ATOSA: variants seen among roughly 807,000 people sequenced by gnomAD.
The protein encoded by ATOSA is atos homolog A, also known as atos homolog protein A.
chr15:52,674,956 TATTTC>T, the ATOSA span, among the ~76,000 whole-genome samples: 1 of 152,018 alleles, frequency 6.6e-6, no homozygotes, highest in East Asian at 1.9e-4. Context: ...AGCACGGTCA[TATTTC>T]ATTCTAACTG....
the ATOSA span, among the ~76,000 whole-genome samples, chr15:52,691,763 G>A: frequency 2.0e-5 from 3 of 151,966 alleles, no homozygotes. Flanking sequence ...TGAGCCCGGG[G>A]GGTCAAGGCT....
chr15:52,694,992 C>A, the ATOSA span, among the ~76,000 whole-genome samples: 5 of 150,532 alleles, frequency 3.3e-5, no homozygotes, highest in Admixed American at 6.6e-5. Flanking sequence ...TGGTGTGATC[C>A]CGGCTCACTG....
the ATOSA span, among the ~76,000 whole-genome samples, chr15:52,698,426 T>C: frequency 6.6e-6 from 1 of 152,246 alleles, no homozygotes; most frequent in Non-Finnish European, 1.5e-5. Context: ...AAATTAGTGC[T>C]ATGTTCTCTC....
chr15:52,667,648 G>A, the ATOSA span, among the ~76,000 whole-genome samples: 1 of 152,198 alleles, frequency 6.6e-6, no homozygotes, highest in Non-Finnish European at 1.5e-5. Flanking sequence ...CTGATTTCAA[G>A]TAACCAACTA....
the ATOSA span, among the ~76,000 whole-genome samples, chr15:52,670,197 T>C: frequency 6.6e-6 from 1 of 152,224 alleles, no homozygotes; most frequent in Non-Finnish European, 1.5e-5. Flanking sequence ...TCTTTCATGC[T>C]TGTTCCAACC....
chr15:52,623,431 C>T, the ATOSA span, among the ~76,000 whole-genome samples: 5 of 151,774 alleles, frequency 3.3e-5, no homozygotes, highest in East Asian at 1.9e-4. Context: ...GGGGATCGCA[C>T]GCATTTGGAT....
chr15:52,581,323 A>G, the ATOSA span: 1 of 152,132 alleles, frequency 6.6e-6, no homozygotes, highest in East Asian at 1.9e-4. Context: ...CACGTTTCTT[A>G]GTTTTTTTTG....
At chr15:52,589,725 A>G in the ATOSA span, among the ~76,000 whole-genome samples, 2 of 152,150 alleles carry the variant, frequency 1.3e-5, no homozygotes, top group Admixed American at 6.5e-5. Context: ...TGATCAGCAT[A>G]TTAATATTTA....
chr15:52,614,403 G>A, the ATOSA span, among the ~76,000 whole-genome samples: 1 of 151,918 alleles, frequency 6.6e-6, no homozygotes, highest in Non-Finnish European at 1.5e-5. Context: ...ACTGAGCCTG[G>A]CCTATAATTA....
chr15:52,612,241 T>G, the ATOSA span, among the ~76,000 whole-genome samples: 1 of 152,092 alleles, frequency 6.6e-6, no homozygotes. Flanking sequence ...CACCTTGGCC[T>G]CACAAAGTGC....
the ATOSA span, among the ~76,000 whole-genome samples, chr15:52,630,712 G>T: frequency 6.6e-6 from 1 of 152,132 alleles, no homozygotes; most frequent in African/African-American, 2.4e-5. Context: ...GTACATGTAT[G>T]CTAGGAGACT....
chr15:52,664,564 T>C, the ATOSA span, among the ~76,000 whole-genome samples: 1 of 152,272 alleles, frequency 6.6e-6, no homozygotes, highest in Non-Finnish European at 1.5e-5. Context: ...TGTTGATGTC[T>C]GAACAATGAG....
the ATOSA span, chr15:52,648,663 T>C: frequency 6.6e-6 from 1 of 152,090 alleles, no homozygotes; most frequent in Non-Finnish European, 1.5e-5. Flanking sequence ...TAAATTTTAA[T>C]GGTAAAAATT....
the ATOSA span, among the ~76,000 whole-genome samples, chr15:52,662,279 C>A: frequency 6.6e-6 from 1 of 152,294 alleles, no homozygotes; most frequent in South Asian, 2.1e-4. Flanking sequence ...GGACTCCCTG[C>A]ATTCTCAGAC....
chr15:52,697,371 G>A, the ATOSA span, among the ~76,000 whole-genome samples: 1 of 152,202 alleles, frequency 6.6e-6, no homozygotes, highest in Non-Finnish European at 1.5e-5. Context: ...TCTTACAGCA[G>A]TCTTGGTTGC....
At chr15:52,593,589 AG>A in the ATOSA span, 1 of 1,569,364 alleles carries the variant, frequency 6.4e-7, no homozygotes, top group Non-Finnish European at 8.6e-7. Flanking sequence ...ATATAAGGAG[AG>A]GGAGCATTGT....
chr15:52,700,265 T>C, the ATOSA span, among the ~76,000 whole-genome samples: 1 of 152,192 alleles, frequency 6.6e-6, no homozygotes, highest in African/African-American at 2.4e-5. Flanking sequence ...ATGAATAATA[T>C]GTATTATTGT....
chr15:52,612,824 G>T, the ATOSA span, among the ~76,000 whole-genome samples: 1 of 151,998 alleles, frequency 6.6e-6, no homozygotes, highest in African/African-American at 2.4e-5. Flanking sequence ...ACGATTTTTA[G>T]AGTTTACAAT....
chr15:52,597,306 C>T, the ATOSA span, among the ~76,000 whole-genome samples: 12 of 152,176 alleles, frequency 7.9e-5, no homozygotes, highest in African/African-American at 2.7e-4. Flanking sequence ...AAATTTATGT[C>T]CACATAAAAA....
Sources: gnomAD v4.1 joint callset for allele counts (sites outside exome capture counted in the v4.1 genomes callset) on GRCh38, gnomAD v4.1.1 for gene constraint, MANE v1.5 for transcripts, NCBI Gene and HGNC (gene_info 2026-07-23, HGNC 2026-07-21) for gene names.